The following FARP1 variants were observed in gnomAD, a reference collection of about 807,000 sequenced individuals.
The protein encoded by FARP1 is FERM, ARH/RhoGEF and pleckstrin domain protein 1.
Under a neutral mutation model 128.8 loss-of-function variants are expected in FARP1, and 52 were observed. The observed-to-expected ratio is 0.40, with a 90% CI of 0.32 to 0.51. The LOEUF (loss-of-function observed/expected upper bound fraction) is 0.51, where lower values mean the gene tolerates loss of function less well. Ranked by LOEUF, FARP1 falls within the 20% of genes least tolerant of loss-of-function variation. FARP1 has a pLI of 0.45. For missense variants in FARP1, 1,333 were observed against 1,367.9 expected (o/e 0.97, Z 0.40); for synonymous variants, 580 against 551.8 (o/e 1.05, Z -0.72).
intron 2 of FARP1, among the ~76,000 whole-genome samples, chr13:98,256,948 GATATAT>G (rs56701739): frequency 0.12 from 9,082 of 76,794 alleles, 1,019 homozygotes; most frequent in East Asian, 0.18. Flanking sequence ...TATATATGTG[GATATAT>G]ATATATATAT....
chr13:98,323,256 A>G (rs584069), intron 2 of FARP1, among the ~76,000 whole-genome samples: 39,010 of 152,008 alleles, frequency 0.26, 5,319 homozygotes, highest in Middle Eastern at 0.33. Context: ...TTTATAATAA[A>G]ATTTTAGATT....
At chr13:98,316,998 G>A (rs1436806159) in intron 2 of FARP1, among the ~76,000 whole-genome samples, 1 of 152,206 alleles carries the variant, frequency 6.6e-6, no homozygotes, top group Non-Finnish European at 1.5e-5. Context: ...CAGAATTACA[G>A]TTTTTGCAAG....
At chr13:98,424,869 G>A (rs1594520793) in intron 17 of FARP1, among the ~76,000 whole-genome samples, 1 of 148,616 alleles carries the variant, frequency 6.7e-6, no homozygotes, top group Non-Finnish European at 1.5e-5. Flanking sequence ...AACATTATGA[G>A]ATTTTCTTTT....
chr13:98,365,914 T>TGTGTGTGC (rs1349673079), intron 4 of FARP1, among the ~76,000 whole-genome samples: 7 of 147,978 alleles, frequency 4.7e-5, no homozygotes, highest in Admixed American at 4.7e-4. Context: ...TGTGTGTGTG[T>TGTGTGTGC]GTGTTTCTGA....
chr13:98,168,882 T>C (rs983372196), intron 1 of FARP1, among the ~76,000 whole-genome samples: 1 of 152,158 alleles, frequency 6.6e-6, no homozygotes, highest in African/African-American at 2.4e-5. Flanking sequence ...GGGGATCAGC[T>C]CTCAACCCCC....
At chr13:98,213,528 T>G in intron 2 of FARP1, 115 bp downstream of exon 2, 1 of 1,058,782 alleles carries the variant, frequency 9.4e-7, no homozygotes, top group Non-Finnish European at 1.4e-6. Flanking sequence ...GTCCTGCATG[T>G]TCAGCACCTC....
chr13:98,437,636 C>T, intron 19 of FARP1: 1 of 601,148 alleles, frequency 1.7e-6, no homozygotes, highest in East Asian at 2.7e-5. Flanking sequence ...TCAGCCAAGG[C>T]TCTGGTGATA....
At chr13:98,244,693 T>G in intron 2 of FARP1, 2 of 1,613,904 alleles carry the variant, frequency 1.2e-6, no homozygotes, top group South Asian at 2.2e-5. Flanking sequence ...ACTGAAGAGC[T>G]TCTTAATCTT....
At chr13:98,428,270 G>A (rs145701145) in intron 17 of FARP1, among the ~76,000 whole-genome samples, 62 of 152,268 alleles carry the variant, frequency 4.1e-4, no homozygotes, top group South Asian at 6.2e-4. Context: ...GCACAAAAAC[G>A]CTTGGAAATC....
chr13:98,439,920 A>G (rs748911985), intron 21 of FARP1, 41 bp from the exon 22 acceptor site: 4 of 1,389,822 alleles, frequency 2.9e-6, no homozygotes, highest in South Asian at 2.7e-5. Flanking sequence ...TTGGAAGTGC[A>G]TCACGTGCCT....
intron 2 of FARP1, among the ~76,000 whole-genome samples, chr13:98,256,268 A>G (rs1340471366): frequency 6.6e-6 from 1 of 152,244 alleles, no homozygotes; most frequent in African/African-American, 2.4e-5. Context: ...TAGGTAATGA[A>G]TCAGTATTTA....
At chr13:98,335,087 C>T (rs1887685798) in intron 2 of FARP1, among the ~76,000 whole-genome samples, 1 of 152,234 alleles carries the variant, frequency 6.6e-6, no homozygotes, top group Non-Finnish European at 1.5e-5. Flanking sequence ...AAGAACACCT[C>T]CATCAGGGAG....
At chr13:98,348,576 G>T (rs1268711226) in intron 3 of FARP1, among the ~76,000 whole-genome samples, 1 of 152,258 alleles carries the variant, frequency 6.6e-6, no homozygotes, top group Non-Finnish European at 1.5e-5. Context: ...CTGAAGTTCA[G>T]GCCTGGTGAG....
At chr13:98,313,468 A>C (rs1886581823) in intron 2 of FARP1, among the ~76,000 whole-genome samples, 1 of 152,220 alleles carries the variant, frequency 6.6e-6, no homozygotes, top group South Asian at 2.1e-4. Flanking sequence ...CATGGAGCAG[A>C]TTCTCCCAGA....
At chr13:98,241,923 A>G (rs1241320660) in intron 2 of FARP1, among the ~76,000 whole-genome samples, 1 of 151,936 alleles carries the variant, frequency 6.6e-6, no homozygotes, top group Non-Finnish European at 1.5e-5. Context: ...TGTCTAAACA[A>G]CAGCAACAAC....
At chr13:98,244,936 G>A in intron 2 of FARP1, 1 of 1,357,350 alleles carries the variant, frequency 7.4e-7, no homozygotes, top group Non-Finnish European at 9.5e-7. Flanking sequence ...TACTAGATTT[G>A]GTGCCTCTTA....
At chr13:98,275,725 G>A (rs1884626823) in intron 2 of FARP1, among the ~76,000 whole-genome samples, 2 of 150,202 alleles carry the variant, frequency 1.3e-5, no homozygotes, top group African/African-American at 4.9e-5. Context: ...GTGAGTGGTT[G>A]ACATTGGTGG....
intron 3 of FARP1, among the ~76,000 whole-genome samples, chr13:98,350,931 C>T (rs1448229076): frequency 6.6e-6 from 1 of 152,128 alleles, no homozygotes; most frequent in African/African-American, 2.4e-5. Context: ...GAGCCAACCA[C>T]ACCCCAGAGC....
chr13:98,444,937 G>A (rs1892728606), intron 24 of FARP1, among the ~76,000 whole-genome samples: 1 of 152,230 alleles, frequency 6.6e-6, no homozygotes, highest in African/African-American at 2.4e-5. Context: ...GCATTTTCTT[G>A]TTCCTTTCTG....
Sources: gnomAD v4.1 joint callset for allele counts (sites outside exome capture counted in the v4.1 genomes callset) on GRCh38, gnomAD v4.1.1 for gene constraint, MANE v1.5 for transcripts, NCBI Gene and HGNC (gene_info 2026-07-23, HGNC 2026-07-21) for gene names.